Variants in SLC8A1 observed in about 807,000 individuals in gnomAD.
SLC8A1 encodes the protein sodium/calcium exchanger 1.
Under a neutral mutation model 68.3 loss-of-function variants are expected in SLC8A1, and 18 were observed. The ratio of observed to expected loss-of-function variants is 0.26; its 90% CI spans 0.18 to 0.39. The LOEUF (loss-of-function observed/expected upper bound fraction) is 0.39. Among genes scored for constraint, SLC8A1 ranks in the 10% least tolerant of loss-of-function variants. The pLI is 1.00. For synonymous variants in SLC8A1, 475 were observed against 415.5 expected, an observed-to-expected ratio of 1.14 and a Z score of -1.74; for missense variants, 985 against 1,156.7, an observed-to-expected ratio of 0.85 and a Z score of 2.15.
intron 7 of SLC8A1, among the ~76,000 whole-genome samples, chr2:40,136,872 G>A (rs2040594067): frequency 6.6e-6 from 1 of 152,172 alleles, no homozygotes; most frequent in Non-Finnish European, 1.5e-5. Flanking sequence ...GATTACCTCT[G>A]AATATATTGT....
intron 6 of SLC8A1, among the ~76,000 whole-genome samples, chr2:40,149,104 G>A (rs1428667966): frequency 6.6e-6 from 1 of 152,148 alleles, no homozygotes; most frequent in East Asian, 1.9e-4. Flanking sequence ...AAGTCTGTAG[G>A]TTTGAACTCT....
At position 40,179,867 on chromosome 2, in the gene SLC8A1, G is replaced by A. The variant is rs950429691; in HGVS notation, c.1809-2012C>T. Among the ~76,000 whole-genome samples the A allele has an allele frequency of 1.1e-4, 16 of 152,230 alleles. No individual in the cohort carries two copies. In the East Asian group the frequency reaches 1.7e-3, roughly 17 times the overall value. On this transcript the variant is annotated intron_variant, in intron 2 of 7. Coordinates refer to ENST00000406785, the Ensembl canonical transcript of SLC8A1. ...AATTTCCCAGCGCCTAATGCCAAAT[G>A]CTTAAGTCTTGCTTTTTGGCTTAGC...
At chr2:40,225,615 G>A (rs965730428) in intron 2 of SLC8A1, among the ~76,000 whole-genome samples, 5 of 152,150 alleles carry the variant, frequency 3.3e-5, no homozygotes, top group Admixed American at 2.0e-4. Context: ...AAGGGCTCAC[G>A]ATGGAAATCA....
At chr2:40,332,031 C>A (rs1287692022) in intron 2 of SLC8A1, among the ~76,000 whole-genome samples, 1 of 151,956 alleles carries the variant, frequency 6.6e-6, no homozygotes, top group African/African-American at 2.4e-5. Flanking sequence ...TTCACTGTAA[C>A]CTCAAACTCC....
At chr2:40,492,073 A>G (rs1159795828) in intron 1 of SLC8A1, among the ~76,000 whole-genome samples, 2 of 152,156 alleles carry the variant, frequency 1.3e-5, no homozygotes, top group Non-Finnish European at 2.9e-5. Flanking sequence ...TGCAGGCATC[A>G]CACTACCTGA....
At chr2:40,259,508 G>A (rs900380280) in intron 2 of SLC8A1, among the ~76,000 whole-genome samples, 2 of 151,742 alleles carry the variant, frequency 1.3e-5, no homozygotes, top group African/African-American at 4.8e-5. Context: ...TAAAAATAGG[G>A]TCTCATTCTG....
At chr2:40,163,311 G>C (rs559318737) in intron 5 of SLC8A1, among the ~76,000 whole-genome samples, 33 of 152,320 alleles carry the variant, frequency 2.2e-4, no homozygotes, top group African/African-American at 7.7e-4. Context: ...TGGGTGCATG[G>C]AAGGGGAAGG....
chr2:40,210,875 C>T (rs1156797808), intron 2 of SLC8A1, among the ~76,000 whole-genome samples: 1 of 152,126 alleles, frequency 6.6e-6, no homozygotes, highest in Non-Finnish European at 1.5e-5. Flanking sequence ...GTACAGAATA[C>T]AGAATGGTTA....
intron 2 of SLC8A1, chr2:40,189,804 T>C (rs574464644): frequency 6.6e-6 from 1 of 152,310 alleles, no homozygotes; most frequent in East Asian, 1.9e-4. Flanking sequence ...TACTTGGGCT[T>C]AGCTCTTTTA....
At chr2:40,477,884 A>G (rs949248521) in intron 1 of SLC8A1, among the ~76,000 whole-genome samples, 1 of 152,136 alleles carries the variant, frequency 6.6e-6, no homozygotes, top group Non-Finnish European at 1.5e-5. Flanking sequence ...AATAGTTGTG[A>G]CTTGGTACTT....
intron 2 of SLC8A1, among the ~76,000 whole-genome samples, chr2:40,307,241 C>T (rs1021699331): frequency 6.6e-6 from 1 of 151,958 alleles, no homozygotes; most frequent in Non-Finnish European, 1.5e-5. Flanking sequence ...AAATCCCTGT[C>T]ACATGGTACA....
chr2:40,179,912 A>G (rs551336510), intron 2 of SLC8A1, among the ~76,000 whole-genome samples: 2 of 152,314 alleles, frequency 1.3e-5, no homozygotes, highest in African/African-American at 4.8e-5. Context: ...CTGAGACCAA[A>G]TGATTGGTTC....
intron 2 of SLC8A1, among the ~76,000 whole-genome samples, chr2:40,375,810 C>G (rs1216395323): frequency 6.6e-6 from 1 of 151,990 alleles, no homozygotes; most frequent in Non-Finnish European, 1.5e-5. Context: ...GAAGACCAGC[C>G]CAGGCAACAC....
chr2:40,209,184 G>A (rs1218945126), intron 2 of SLC8A1: 1 of 152,072 alleles, frequency 6.6e-6, no homozygotes. Context: ...TGAGGTGAGA[G>A]ATGGCAGTTG....
intron 4 of SLC8A1, among the ~76,000 whole-genome samples, chr2:40,172,489 C>T (rs1406666925): frequency 6.6e-6 from 1 of 151,988 alleles, no homozygotes; most frequent in East Asian, 1.9e-4. Context: ...ATTCTGTCAT[C>T]TTGGATGCCA....
chr2:40,121,471 G>A (rs972456273), intron 7 of SLC8A1, among the ~76,000 whole-genome samples: 2 of 152,144 alleles, frequency 1.3e-5, no homozygotes, highest in African/African-American at 4.8e-5. Context: ...TAGGCGTCAC[G>A]GAGATGCTGG....
At chr2:40,101,004 T>C (rs1442649279) in exon 8 of SLC8A1, 5 of 152,120 alleles carry the variant, frequency 3.3e-5, no homozygotes, top group Admixed American at 6.6e-5. Flanking sequence ...AAAATGCATA[T>C]GAGTATTTTA....
intron 1 of SLC8A1, among the ~76,000 whole-genome samples, chr2:40,442,291 C>G (rs1396173089): frequency 1.4e-5 from 2 of 147,452 alleles, no homozygotes; most frequent in Non-Finnish European, 3.0e-5. Context: ...GAAAAAGAAA[C>G]TAGCATCAGA....
chr2:40,257,440 C>G (rs1015453674), intron 2 of SLC8A1, among the ~76,000 whole-genome samples: 1 of 150,208 alleles, frequency 6.7e-6, no homozygotes, highest in African/African-American at 2.4e-5. Flanking sequence ...TTTTTTTGAC[C>G]TTTCCTTTTT....
Sources: allele counts gnomAD v4.1 joint callset (sites outside exome capture counted in the v4.1 genomes callset), GRCh38; gene constraint gnomAD v4.1.1; transcripts MANE v1.5; gene names NCBI Gene and HGNC (gene_info 2026-07-23, HGNC 2026-07-21).